The following TRDN variants were observed in gnomAD, a reference collection of about 807,000 sequenced individuals.
TRDN encodes triadin, also known as triadin in skeletal muscle.
TRDN carries 161 observed loss-of-function variants against 149.7 expected under a neutral mutation model. The observed-to-expected ratio is 1.08, with a 90% CI of 0.95 to 1.23. The LOEUF (loss-of-function observed/expected upper bound fraction) is 1.23. TRDN is among the 50% of genes most tolerant of loss of function. TRDN has a pLI of 0.00. For synonymous variants in TRDN, 294 were observed against 250.5 expected (o/e 1.17, Z -1.64); for missense variants, 896 against 823.5 (o/e 1.09, Z -1.08).
At position 123,289,128 on chromosome 6, in the gene TRDN, TAA is replaced by T. The variant is rs1258005650; in HGVS notation, c.1511-10048_1511-10047del. Among the ~76,000 whole-genome samples, 7 of 146,952 alleles carry T rather than the reference TAA, an allele frequency of 4.8e-5. No homozygotes were observed. In the East Asian group the frequency reaches 1.4e-3, roughly 29 times the overall value. On this transcript the variant is annotated intron_variant, in intron 24 of 40. Coordinates refer to ENST00000334268, the MANE Select transcript of TRDN (RefSeq NM_006073.4). ...AGTATGTATGTATAGTGTATATATATAAAATATGTTATATATATTATATATAA... is the reference window on the plus strand; with the variant it reads ...AGTATGTATGTATAGTGTATATATATAATATGTTATATATATTATATATAA...
At chr6:123,496,797 T>A (rs1276133966) in intron 9 of TRDN, among the ~76,000 whole-genome samples, 1 of 152,068 alleles carries the variant, frequency 6.6e-6, no homozygotes, top group Non-Finnish European at 1.5e-5. Flanking sequence ...ATATTTGAAA[T>A]GTGATGATTT....
At chr6:123,595,838 T>G (rs1225503796) in intron 1 of TRDN, among the ~76,000 whole-genome samples, 2 of 152,118 alleles carry the variant, frequency 1.3e-5, no homozygotes, top group African/African-American at 4.8e-5. Context: ...GTGTTCTGAC[T>G]GTTCCATTAA....
At chr6:123,591,785 T>C (rs1167999652) in intron 1 of TRDN, among the ~76,000 whole-genome samples, 2 of 152,246 alleles carry the variant, frequency 1.3e-5, no homozygotes, top group African/African-American at 4.8e-5. Flanking sequence ...TTAAATGAGC[T>C]TGAAGCTCCT....
chr6:123,353,650 A>T (rs1254371986), intron 20 of TRDN, among the ~76,000 whole-genome samples: 1 of 151,676 alleles, frequency 6.6e-6, no homozygotes, highest in African/African-American at 2.4e-5. Context: ...TAAGAAGGGA[A>T]GAAGGAAGGA....
At chr6:123,517,699 T>G (rs150382350) in intron 5 of TRDN, among the ~76,000 whole-genome samples, 7 of 152,252 alleles carry the variant, frequency 4.6e-5, no homozygotes, top group South Asian at 2.1e-4. Context: ...TGTCTCTGCC[T>G]GTATGTGTCT....
intron 8 of TRDN, 95 bp downstream of exon 8, chr6:123,503,624 G>A (rs1462030216): frequency 6.4e-7 from 1 of 1,561,368 alleles, no homozygotes; most frequent in East Asian, 2.3e-5. Flanking sequence ...TTTGAAGTCT[G>A]ATTTTGGTCT....
chr6:123,303,424 C>T (rs971609726), intron 24 of TRDN, among the ~76,000 whole-genome samples: 1 of 152,026 alleles, frequency 6.6e-6, no homozygotes, highest in African/African-American at 2.4e-5. Context: ...GGAGCTAAGA[C>T]ACAAGGTTAG....
intron 12 of TRDN, among the ~76,000 whole-genome samples, chr6:123,413,993 T>A (rs1773546861): frequency 1.3e-5 from 2 of 152,132 alleles, no homozygotes; most frequent in South Asian, 4.1e-4. Flanking sequence ...TCTCTTGCAT[T>A]CAGCCCATTT....
chr6:123,505,602 T>G (rs780706163), intron 7 of TRDN, among the ~76,000 whole-genome samples: 1 of 152,220 alleles, frequency 6.6e-6, no homozygotes, highest in Non-Finnish European at 1.5e-5. Context: ...AAAGCTGAAG[T>G]GTATTGAGAA....
intron 10 of TRDN, among the ~76,000 whole-genome samples, chr6:123,463,911 C>T (rs4243493): frequency 0.54 from 81,517 of 151,270 alleles, 22,244 homozygotes; most frequent in East Asian, 0.78. Flanking sequence ...CCAAAGCCAA[C>T]GGGCAGTTGT....
At chr6:123,621,029 G>T (rs1583335586) in intron 1 of TRDN, among the ~76,000 whole-genome samples, 1 of 152,028 alleles carries the variant, frequency 6.6e-6, no homozygotes, top group African/African-American at 2.4e-5. Flanking sequence ...GGAAAATAGG[G>T]ACCTTTTTTG....
chr6:123,573,567 A>T (rs113142065), intron 1 of TRDN, among the ~76,000 whole-genome samples: 1 of 152,016 alleles, frequency 6.6e-6, no homozygotes, highest in East Asian at 1.9e-4. Context: ...AAGCACATAC[A>T]TTAGGCTAAG....
intron 5 of TRDN, among the ~76,000 whole-genome samples, chr6:123,517,358 T>C (rs12055872): frequency 0.84 from 128,164 of 152,022 alleles, 54,138 homozygotes; most frequent in East Asian, 0.88. Context: ...CCTATCATAA[T>C]ATTATAATAC....
intron 2 of TRDN, among the ~76,000 whole-genome samples, chr6:123,566,506 A>G (rs1782306414): frequency 6.6e-6 from 1 of 152,226 alleles, no homozygotes; most frequent in Non-Finnish European, 1.5e-5. Flanking sequence ...GAGCTTATAA[A>G]AACAGATTTT....
intron 1 of TRDN, among the ~76,000 whole-genome samples, chr6:123,612,793 G>A (rs1784885366): frequency 6.6e-6 from 1 of 152,042 alleles, no homozygotes; most frequent in African/African-American, 2.4e-5. Context: ...TTAACTATAG[G>A]GTAGATATTA....
intron 7 of TRDN, among the ~76,000 whole-genome samples, chr6:123,504,672 C>T (rs913630246): frequency 1.3e-5 from 2 of 151,894 alleles, no homozygotes; most frequent in African/African-American, 4.8e-5. Context: ...ATATATATTA[C>T]ACACATATAT....
At chr6:123,484,190 C>T (rs544003740) in intron 9 of TRDN, among the ~76,000 whole-genome samples, 1 of 152,180 alleles carries the variant, frequency 6.6e-6, no homozygotes, top group East Asian at 1.9e-4. Context: ...TCAAATAGCT[C>T]TCTCTGAAAA....
At chr6:123,418,090 C>G (rs1008163592) in intron 12 of TRDN, among the ~76,000 whole-genome samples, 1 of 152,082 alleles carries the variant, frequency 6.6e-6, no homozygotes, top group African/African-American at 2.4e-5. Context: ...GATTCAGACA[C>G]TAATAAGAAC....
chr6:123,266,167 G>A (rs1296675543), intron 32 of TRDN, among the ~76,000 whole-genome samples: 3 of 88,172 alleles, frequency 3.4e-5, no homozygotes, highest in African/African-American at 4.5e-5. Context: ...ATTATAATAT[G>A]TATTATATAT....
Sources: gnomAD v4.1 joint callset for allele counts (sites outside exome capture counted in the v4.1 genomes callset) on GRCh38, gnomAD v4.1.1 for gene constraint, MANE v1.5 for transcripts, NCBI Gene and HGNC (gene_info 2026-07-23, HGNC 2026-07-21) for gene names.